LPIN1: variants seen among roughly 807,000 people sequenced by gnomAD.
LPIN1 encodes the protein phosphatidate phosphatase LPIN1.
LPIN1 carries 71 observed loss-of-function variants against 107.5 expected under a neutral mutation model. The observed-to-expected ratio is 0.66, with a 90% CI of 0.55 to 0.80. The LOEUF is 0.80. Ranked by LOEUF, LPIN1 falls within the 30% of genes least tolerant of loss-of-function variation. The pLI is 0.00. For missense variants in LPIN1, 1,043 were observed against 1,160.6 expected, an observed-to-expected ratio of 0.90 and a Z score of 1.47; for synonymous variants, 445 against 452.6, an observed-to-expected ratio of 0.98 and a Z score of 0.21.
At position 11,804,982 on chromosome 2, in the gene LPIN1, GT is replaced by G. The variant is rs372751097; in HGVS notation, c.2163-72del. 96,078 of 634,544 alleles carry G rather than the reference GT, an allele frequency of 0.15. 4 individuals carry two copies. Among genetic ancestry groups the G allele is most frequent in the East Asian group, 0.16 (5,253 of 32,266 alleles). 39.3% of individuals were successfully genotyped at this position (634,544 alleles called of 1,614,324 possible). A position where few individuals can be genotyped will look rare whatever the true frequency, so the allele number is the denominator to read the frequency against. The stretch of plus-strand genomic sequence containing the variant: ...AAAGAAAGTTGTGGGTCTTGTTTGT[GT>G]TTTTTTTTTTTTTTTATGAGGCATG... On this transcript the variant is annotated intron_variant, in intron 16 of 20. Coordinates refer to ENST00000674199, the MANE Select transcript of LPIN1 (RefSeq NM_001349206.2).
intron 1 of LPIN1, among the ~76,000 whole-genome samples, chr2:11,709,633 T>C (rs879216219): frequency 6.6e-6 from 1 of 152,240 alleles, no homozygotes; most frequent in Admixed American, 6.5e-5. Flanking sequence ...CTGCCTCTCT[T>C]GTCCTGGAAA....
At chr2:11,787,757 C>T (rs1674897537) in intron 11 of LPIN1, among the ~76,000 whole-genome samples, 2 of 151,658 alleles carry the variant, frequency 1.3e-5, no homozygotes, top group Non-Finnish European at 2.9e-5. Flanking sequence ...CTGGCTAACA[C>T]GGTGAAACCC....
intron 17 of LPIN1, 162 bp downstream of exon 17, chr2:11,805,318 A>C (rs1463391257): frequency 2.9e-6 from 2 of 685,280 alleles, no homozygotes; most frequent in East Asian, 5.4e-5. Context: ...TGGAGTCCAG[A>C]GTGAAAGTGA....
intron 3 of LPIN1, among the ~76,000 whole-genome samples, chr2:11,768,877 A>C (rs955577808): frequency 1.3e-5 from 2 of 152,164 alleles, no homozygotes; most frequent in Non-Finnish European, 2.9e-5. Context: ...CGGAGCTTGC[A>C]GTGAGCCGAG....
chr2:11,735,225 G>C (rs374462482), intron 1 of LPIN1, among the ~76,000 whole-genome samples: 1 of 151,590 alleles, frequency 6.6e-6, no homozygotes, highest in South Asian at 2.1e-4. Context: ...CTGGGAGGCA[G>C]AGGTTGCAGT....
chr2:11,739,922 AAGAT>A (rs1666166885), intron 1 of LPIN1, among the ~76,000 whole-genome samples: 1 of 152,228 alleles, frequency 6.6e-6, no homozygotes, highest in South Asian at 2.1e-4. Context: ...ACAACCAAAT[AAGAT>A]AGATAGAGAT....
At chr2:11,692,478 A>G (rs1442787564) in intron 1 of LPIN1, among the ~76,000 whole-genome samples, 1 of 152,236 alleles carries the variant, frequency 6.6e-6, no homozygotes, top group East Asian at 1.9e-4. Flanking sequence ...ACCCCTGTTG[A>G]TGTTGACTCA....
At chr2:11,679,927 C>T (rs75156793) in intron 1 of LPIN1, among the ~76,000 whole-genome samples, 2,103 of 152,326 alleles carry the variant, frequency 0.014, 97 homozygotes, top group East Asian at 0.11. Context: ...AGGAATCTGG[C>T]CTGCTTGCTG....
At chr2:11,714,589 G>A (rs553683924) in intron 2 of LPIN1, among the ~76,000 whole-genome samples, 1 of 152,290 alleles carries the variant, frequency 6.6e-6, no homozygotes, top group East Asian at 1.9e-4. Flanking sequence ...AAGCTTCAGG[G>A]GCATCATGTA....
Position 11,755,434 on chromosome 2 carries a change from C to T in LPIN1, c.-10+8763C>T, listed in dbSNP as rs377150155. On this transcript the variant is annotated intron_variant, in intron 1 of 20. Coordinates refer to ENST00000674199, the MANE Select transcript of LPIN1 (RefSeq NM_001349206.2). ...ATGGGCCCTGCGATGGGGCAGGTAC[C>T]GCGTCAGAAATGAGCAAGCCTCGTC... Among the ~76,000 whole-genome samples the T allele has an allele frequency of 3.2e-4, 48 of 152,246 alleles. 1 individual carries two copies. In the South Asian group the frequency reaches 9.3e-3, roughly 30 times the overall value.
chr2:11,699,772 T>C (rs997634098), intron 1 of LPIN1, among the ~76,000 whole-genome samples: 4 of 151,920 alleles, frequency 2.6e-5, no homozygotes, highest in Non-Finnish European at 5.9e-5. Flanking sequence ...CCCAGCCTAA[T>C]GGGGCACAGG....
chr2:11,819,485 G>A lies in LPIN1; in HGVS notation c.2404G>A (p.Glu802Lys). The change falls in exon 19 of 21, where the codon GAA (glutamate) becomes AAA (lysine). Residue 802 changes from glutamate to lysine, a missense_variant and splice_region_variant. Glu to Lys is a moderately conservative substitution (Grantham distance 56, BLOSUM62 1). Coordinates refer to ENST00000674199, the MANE Select transcript of LPIN1 (RefSeq NM_001349206.2). ...PSSLFSALHR[E>K]VIEKKPEKFK... ...ATCTGTTATTTATTTGTTTAACAGA[G>A]AAGTGATTGAAAAGAAGCCAGAAAA... The A allele has an allele frequency of 6.3e-7, 1 of 1,575,948 alleles. No individual in the cohort carries two copies. Among genetic ancestry groups the A allele is most frequent in the Non-Finnish European group, 8.7e-7 (1 of 1,145,164 alleles).
At position 11,786,009 on chromosome 2, in the gene LPIN1, C is replaced by T. The variant is rs1285586009; in HGVS notation, c.1549+933C>T. On this transcript the variant is annotated intron_variant, in intron 10 of 20. Coordinates refer to ENST00000674199, the MANE Select transcript of LPIN1 (RefSeq NM_001349206.2). This position sits in a 1 kb window ranked among gnomAD's most constrained non-coding sequence, Gnocchi z 4.1. ...TCTGAAGTCATGGGGGCTCTCTGGA[C>T]ACTGGCGTGAGGAGTCCCCTGGGCG... is the stretch of plus-strand genomic sequence containing the variant. Among the ~76,000 whole-genome samples, 1 of 152,146 alleles carries T rather than the reference C, an allele frequency of 6.6e-6. No homozygotes were observed. Among genetic ancestry groups the T allele is most frequent in the Non-Finnish European group, 1.5e-5 (1 of 68,038 alleles).
At chr2:11,695,423 T>C (rs1385934665) in intron 1 of LPIN1, among the ~76,000 whole-genome samples, 7 of 152,086 alleles carry the variant, frequency 4.6e-5, no homozygotes, top group African/African-American at 1.7e-4. Flanking sequence ...GGAAAGGAGT[T>C]GCAGGGGGAG....
Position 11,803,031 on chromosome 2 carries a change from C to G in LPIN1, c.2011C>G (p.Leu671Val). The change falls in exon 15 of 21, where the codon CTT becomes GTT. Residue 671 changes from leucine (L) to valine (V), a missense_variant and splice_region_variant. Coordinates refer to ENST00000674199, the MANE Select transcript of LPIN1 (RefSeq NM_001349206.2). The surrounding 1 kb of genome is among the most constrained non-coding windows in gnomAD (Gnocchi z 4.2). ...GACTCTCCGGCTGACTTCCGAGCAG[C>G]TTGTGAGTCTCCCATGCTTGGCGCG... The part of the protein sequence containing the change: ...KKTLRLTSEQ[L>V]KSLKLKNGPN... 1 of 1,612,372 alleles carries G rather than the reference C, an allele frequency of 6.2e-7. No homozygotes were observed. The highest frequency in any genetic ancestry group is 2.2e-5 in the East Asian group (1 of 44,886).
At chr2:11,689,476 G>C (rs763247579) in intron 1 of LPIN1, among the ~76,000 whole-genome samples, 18 of 152,130 alleles carry the variant, frequency 1.2e-4, no homozygotes, top group Non-Finnish European at 2.2e-4. Context: ...TGACTGACTT[G>C]CTTTCTTTTC....
chr2:11,780,066 A>G (rs1472087557), intron 7 of LPIN1, among the ~76,000 whole-genome samples: 2 of 152,250 alleles, frequency 1.3e-5, no homozygotes, highest in East Asian at 3.9e-4. Flanking sequence ...TTTTTAGTAG[A>G]GACGGGGTTT....
chr2:11,787,132 CGAT>C lies in LPIN1; in HGVS notation c.1611_1613del (p.Asp538del), dbSNP rs1674732705. 1.9e-6 allele frequency: 3 copies of C among 1,613,918 alleles called. No homozygotes were observed. The highest frequency in any genetic ancestry group is 2.5e-6 in the Non-Finnish European group (3 of 1,179,926). Reference sequence around the variant, plus strand: ...AGTTTGTGGACAACCCCGCTATTATCGATGACCCCAATCTCGTGGTAAAGATTG... The same window carrying C: ...AGTTTGTGGACAACCCCGCTATTATCGACCCCAATCTCGTGGTAAAGATTG... On this transcript the variant is annotated inframe_deletion, in exon 11 of 21. Transcript: ENST00000674199.
Position 11,774,649 on chromosome 2 carries a change from T to C in LPIN1, c.722+904T>C, listed in dbSNP as rs930696387. 6.6e-6 allele frequency among the ~76,000 whole-genome samples: 1 copy of C among 152,196 alleles called. No homozygotes were observed. Among genetic ancestry groups the C allele is most frequent in the African/African-American group, 2.4e-5 (1 of 41,448 alleles). ...TCATGGTGCCAGCCCTTAGAAACTC[T>C]GGGTTCCTACCTGAAGCCGGTCTTA... On this transcript the variant is annotated intron_variant, in intron 5 of 20. Transcript: ENST00000674199. The surrounding 1 kb of genome is among the most constrained non-coding windows in gnomAD (Gnocchi z 4.4).
Sources: allele counts gnomAD v4.1 joint callset (sites outside exome capture counted in the v4.1 genomes callset), GRCh38; gene constraint gnomAD v4.1.1; non-coding constraint Gnocchi (gnomAD v3.1); transcripts MANE v1.5; gene names NCBI Gene and HGNC (gene_info 2026-07-23, HGNC 2026-07-21).